CCDC169: variants seen among roughly 807,000 people sequenced by gnomAD.
CCDC169 encodes the protein coiled-coil domain-containing protein 169.
Under a neutral mutation model 36.0 loss-of-function variants are expected in CCDC169, and 30 were observed. The observed-to-expected ratio is 0.83, with a 90% CI of 0.62 to 1.13. The LOEUF (loss-of-function observed/expected upper bound fraction) is 1.13. Among genes scored for constraint, CCDC169 ranks in the 50% most tolerant of loss-of-function variants. CCDC169 has a pLI of 0.00. For synonymous variants in CCDC169, 85 were observed against 81.5 expected, an observed-to-expected ratio of 1.04 and a Z score of -0.23; for missense variants, 245 against 245.9, an observed-to-expected ratio of 1.00 and a Z score of 0.03.
intron 4 of CCDC169, among the ~76,000 whole-genome samples, chr13:36,255,822 C>A (rs758833009): frequency 2.0e-5 from 3 of 152,194 alleles, no homozygotes; most frequent in Non-Finnish European, 4.4e-5. Flanking sequence ...CATCCACAGT[C>A]TTCAGAGGAA....
chr13:36,267,754 A>G (rs1009197779), intron 4 of CCDC169, among the ~76,000 whole-genome samples: 1 of 152,174 alleles, frequency 6.6e-6, no homozygotes, highest in Non-Finnish European at 1.5e-5. Context: ...AAAAGGGTGC[A>G]AAAAGATATT....
rs3083965 is a variant in CCDC169 at position 36,255,659 on chromosome 13, T to TAAA, written c.316-1519_316-1517dup. On this transcript the variant is annotated intron_variant, in intron 4 of 7. Transcript: ENST00000239859. Reference sequence around the variant, plus strand: ...AGCTGAGTGACAGAGCAAGGCTCCATAAAAAAAAAAAAAAAAAAGAGGCCT... The same window carrying TAAA: ...AGCTGAGTGACAGAGCAAGGCTCCATAAAAAAAAAAAAAAAAAAAAAGAGGCCT... Among the ~76,000 whole-genome samples, 41 of 124,590 alleles carry TAAA rather than the reference T, an allele frequency of 3.3e-4. 1 individual carries two copies. The highest frequency in any genetic ancestry group is 4.2e-4 in the Admixed American group (5 of 11,986). The allele number at this position is 124,590 out of a possible 152,430, so 81.7% of individuals were successfully genotyped here. A position where few individuals can be genotyped will look rare whatever the true frequency, so the allele number is the denominator to read the frequency against.
intron 4 of CCDC169, among the ~76,000 whole-genome samples, chr13:36,263,431 A>G (rs1487519086): frequency 1.3e-5 from 2 of 152,230 alleles, no homozygotes; most frequent in Admixed American, 6.5e-5. Context: ...ATCTCCACAA[A>G]GCAAAACTGC....
chr13:36,232,694 G>A (rs557954924), intron 7 of CCDC169, among the ~76,000 whole-genome samples: 12 of 63,586 alleles, frequency 1.9e-4, no homozygotes, highest in African/African-American at 3.0e-4. Context: ...CGGCCTGGGC[G>A]ACAGAGCGAG....
At chr13:36,295,719 C>A (rs951246038) in intron 2 of CCDC169, 59 bp downstream of exon 2, 76 of 870,828 alleles carry the variant, frequency 8.7e-5, no homozygotes, top group Non-Finnish European at 1.3e-4. Context: ...CCATAGATAT[C>A]CTGGTAAAAT....
Position 36,254,833 on chromosome 13 carries a change from A to G in CCDC169, c.316-690T>C, listed in dbSNP as rs534621062. Among the ~76,000 whole-genome samples the G allele has an allele frequency of 7.7e-4, 118 of 152,266 alleles. 1 individual carries two copies. In the Middle Eastern group the frequency reaches 0.014, roughly 18 times the overall value. On this transcript the variant is annotated intron_variant, in intron 4 of 7. Coordinates refer to ENST00000239859, the MANE Select transcript of CCDC169 (RefSeq NM_001144981.3). ...AGCAGCACTGGCTGATGTTCTGCTG[A>G]GGCTGTGGGCATTCAGGACCTGGCT...
intron 7 of CCDC169, 107 bp from the exon 8 acceptor site, chr13:36,231,399 C>G: frequency 9.3e-7 from 1 of 1,070,606 alleles, no homozygotes; most frequent in Non-Finnish European, 1.3e-6. Context: ...TTCCCCCCAA[C>G]AGACCTTCAC....
At chr13:36,270,980 C>T (rs1875972533) in intron 4 of CCDC169, among the ~76,000 whole-genome samples, 1 of 152,094 alleles carries the variant, frequency 6.6e-6, no homozygotes, top group Admixed American at 6.5e-5. Context: ...TCACAGCAAG[C>T]ACACAACCCA....
chr13:36,287,469 T>C (rs1243190016), intron 2 of CCDC169, among the ~76,000 whole-genome samples: 1 of 152,214 alleles, frequency 6.6e-6, no homozygotes, highest in East Asian at 1.9e-4. Context: ...TGTGAGTTTG[T>C]AATGCTGTCT....
chr13:36,243,428 A>C (rs971710143), intron 7 of CCDC169, among the ~76,000 whole-genome samples: 1 of 140,788 alleles, frequency 7.1e-6, no homozygotes, highest in Non-Finnish European at 1.6e-5. Flanking sequence ...TGAATCCAGG[A>C]GGCAGAATTT....
intron 4 of CCDC169, among the ~76,000 whole-genome samples, chr13:36,259,745 T>C (rs1874377494): frequency 6.6e-6 from 1 of 152,204 alleles, no homozygotes; most frequent in Admixed American, 6.5e-5. Flanking sequence ...AAGTGAAGAC[T>C]TGGCTCGTGA....
At chr13:36,293,201 C>T (rs961738280) in intron 2 of CCDC169, among the ~76,000 whole-genome samples, 9 of 152,128 alleles carry the variant, frequency 5.9e-5, no homozygotes, top group African/African-American at 2.2e-4. Context: ...CCTTTTAAAA[C>T]ACCTTTAATA....
intron 2 of CCDC169, among the ~76,000 whole-genome samples, chr13:36,293,511 A>G (rs1879145788): frequency 6.6e-6 from 1 of 152,214 alleles, no homozygotes; most frequent in African/African-American, 2.4e-5. Flanking sequence ...TATGACCAAC[A>G]GAATACAGTG....
At chr13:36,281,899 A>G (rs1379671539) in intron 4 of CCDC169, among the ~76,000 whole-genome samples, 1 of 152,190 alleles carries the variant, frequency 6.6e-6, no homozygotes, top group Non-Finnish European at 1.5e-5. Context: ...ATTTTAAGTT[A>G]TGTATATTTA....
chr13:36,258,186 GA>G, intron 4 of CCDC169, among the ~76,000 whole-genome samples: 1 of 152,148 alleles, frequency 6.6e-6, no homozygotes, highest in East Asian at 1.9e-4. Context: ...CTTTTTCAAG[GA>G]GAGTATGGGG....
chr13:36,229,961 A>G (rs1240970924), downstream of CCDC169, among the ~76,000 whole-genome samples: 1 of 152,224 alleles, frequency 6.6e-6, no homozygotes, highest in Admixed American at 6.5e-5. Context: ...ATAGTTAGCT[A>G]AAGAATAGGG....
At chr13:36,237,034 C>T (rs1473390235) in intron 7 of CCDC169, among the ~76,000 whole-genome samples, 5 of 151,584 alleles carry the variant, frequency 3.3e-5, no homozygotes, top group Non-Finnish European at 7.4e-5. Flanking sequence ...AGATGTTATA[C>T]TTTGTTGGGT....
At chr13:36,286,399 G>T (rs911059303) in intron 2 of CCDC169, among the ~76,000 whole-genome samples, 1 of 152,162 alleles carries the variant, frequency 6.6e-6, no homozygotes, top group Non-Finnish European at 1.5e-5. Flanking sequence ...GGCTGCCAGT[G>T]AAACTATATG....
chr13:36,232,171 T>C (rs899663811), intron 7 of CCDC169, among the ~76,000 whole-genome samples: 1 of 152,222 alleles, frequency 6.6e-6, no homozygotes, highest in Admixed American at 6.5e-5. Flanking sequence ...CCCAGCTCCA[T>C]GGTAGCCTTG....
Sources: allele counts gnomAD v4.1 joint callset (sites outside exome capture counted in the v4.1 genomes callset), GRCh38; gene constraint gnomAD v4.1.1; transcripts MANE v1.5; gene names NCBI Gene and HGNC (gene_info 2026-07-23, HGNC 2026-07-21).